The following MAP3K5 variants were observed in gnomAD, a reference collection of about 807,000 sequenced individuals.
MAP3K5 encodes the protein ASK-1.
Under a neutral mutation model 158.7 loss-of-function variants are expected in MAP3K5, and 56 were observed. The observed-to-expected ratio is 0.35, with a 90% confidence interval of 0.28 to 0.44. MAP3K5 has a LOEUF of 0.44. Ranked by LOEUF, MAP3K5 falls within the 20% of genes least tolerant of loss-of-function variation. MAP3K5 has a pLI of 1.00. For synonymous variants in MAP3K5, 579 were observed against 601.7 expected (o/e 0.96, Z 0.55); for missense variants, 1,294 against 1,674.8 (o/e 0.77, Z 3.97).
Position 136,642,545 on chromosome 6 carries a change from T to A in MAP3K5, c.1813A>T (p.Ser605Cys), listed in dbSNP as rs563427075. ...CTCACTCCCCTGACAGAAGAGGCAC[T>A]AAAATTCCACTCATGTATACCTTTC... Reference protein sequence around the residue: ...DKKGIHEWNFSASSVRGVSIS... With the variant: ...DKKGIHEWNFCASSVRGVSIS... Residue 605 changes from serine to cysteine, a missense_variant, in exon 12 of 30, where the codon AGT becomes TGT. Ser to Cys is a moderately radical substitution (Grantham distance 112). Transcript: ENST00000359015. The A allele has an allele frequency of 6.8e-6, 11 of 1,610,454 alleles. No homozygotes were observed. In the South Asian group the frequency reaches 1.2e-4, roughly 18 times the overall value.
intron 9 of MAP3K5, 126 bp from the exon 10 acceptor site, chr6:136,656,586 G>A (rs112886350): frequency 1.5e-4 from 90 of 582,622 alleles, no homozygotes; most frequent in African/African-American, 1.5e-3. Flanking sequence ...CAGATTCACC[G>A]TTATTCGTTA....
At chr6:136,722,585 T>C (rs1363346454) in intron 1 of MAP3K5, among the ~76,000 whole-genome samples, 2 of 151,544 alleles carry the variant, frequency 1.3e-5, no homozygotes, top group Non-Finnish European at 2.9e-5. Context: ...GCCTAAGAAG[T>C]GGGCAAAGTA....
intron 1 of MAP3K5, among the ~76,000 whole-genome samples, chr6:136,788,701 T>C (rs1784944817): frequency 6.6e-6 from 1 of 152,206 alleles, no homozygotes; most frequent in Non-Finnish European, 1.5e-5. Context: ...CACAATGAGA[T>C]AACATCTCAC....
At chr6:136,764,370 C>A (rs1783877134) in intron 1 of MAP3K5, among the ~76,000 whole-genome samples, 1 of 152,198 alleles carries the variant, frequency 6.6e-6, no homozygotes, top group South Asian at 2.1e-4. Flanking sequence ...TTGGAACATT[C>A]ACTCATAGAA....
At chr6:136,716,649 T>G (rs1257003426) in intron 2 of MAP3K5, among the ~76,000 whole-genome samples, 5 of 152,192 alleles carry the variant, frequency 3.3e-5, no homozygotes, top group African/African-American at 7.2e-5. Flanking sequence ...CCAGACTTAC[T>G]CACCACTTAC....
intron 7 of MAP3K5, among the ~76,000 whole-genome samples, chr6:136,670,583 T>C (rs182317904): frequency 1.2e-3 from 186 of 152,210 alleles, no homozygotes; most frequent in Non-Finnish European, 1.9e-3. Flanking sequence ...ATAGTAAACA[T>C]AGTGATAGGC....
At chr6:136,731,899 G>C (rs146912419) in intron 1 of MAP3K5, among the ~76,000 whole-genome samples, 4 of 152,198 alleles carry the variant, frequency 2.6e-5, no homozygotes, top group Non-Finnish European at 5.9e-5. Context: ...TAATGGGACA[G>C]AAAGATCTAA....
chr6:136,757,586 A>ATTTTTTTTTTTTTTTTTTT (rs897486770), intron 1 of MAP3K5, among the ~76,000 whole-genome samples: 1 of 127,818 alleles, frequency 7.8e-6, no homozygotes, highest in Non-Finnish European at 1.6e-5. Flanking sequence ...TTTATTTTTT[A>ATTTTTTTTTTTTTTTTTTT]TTTTTTTTTT....
chr6:136,784,136 C>A (rs1049996376), intron 1 of MAP3K5, among the ~76,000 whole-genome samples: 3 of 152,120 alleles, frequency 2.0e-5, no homozygotes, highest in Non-Finnish European at 4.4e-5. Flanking sequence ...CAGGCTTCAC[C>A]CAGAGATGGA....
At chr6:136,573,699 T>C (rs892532184) in intron 25 of MAP3K5, among the ~76,000 whole-genome samples, 10 of 152,154 alleles carry the variant, frequency 6.6e-5, no homozygotes, top group Non-Finnish European at 1.2e-4. Flanking sequence ...GCTCAAACGA[T>C]GGCCCAGGAC....
rs73556288 is a variant in MAP3K5 at position 136,646,624 on chromosome 6, T to C, written c.1789-4055A>G. Among the ~76,000 whole-genome samples the C allele has an allele frequency of 4.6e-3, 700 of 152,322 alleles. 7 individuals carry two copies. Among genetic ancestry groups the C allele is most frequent in the African/African-American group, 0.016 (654 of 41,584 alleles). ...AGTGTCCTTGGATAACCTTGCTCTT[T>C]TCAATCAAGCCTTTGAAAATCTCCT... On this transcript the variant is annotated intron_variant, in intron 11 of 29. Coordinates refer to ENST00000359015, the MANE Select transcript of MAP3K5 (RefSeq NM_005923.4).
At chr6:136,660,714 T>C (rs796568660) in intron 8 of MAP3K5, among the ~76,000 whole-genome samples, 30 of 152,206 alleles carry the variant, frequency 2.0e-4, no homozygotes, top group African/African-American at 7.2e-4. Context: ...GATTTAGAAA[T>C]AAGGCAAAAA....
chr6:136,562,559 G>T lies in MAP3K5; in HGVS notation c.3818C>A (p.Ala1273Asp). ...AATTTCTTGGTCTTTTTCTTCAATA[G>T]CTCGATGAAGGAGTGCTTGTAATTC... ...EKELQALLHR[A>D]IEEKDQEIKH... Residue 1273 changes from alanine to aspartate, a missense_variant, in exon 27 of 30, where the codon GCT (alanine) becomes GAT (aspartate). Ala to Asp is a moderately radical substitution (Grantham distance 126, BLOSUM62 -2). Transcript: ENST00000359015. The T allele has an allele frequency of 6.2e-7, 1 of 1,604,088 alleles. No individual in the cohort carries two copies. The highest frequency in any genetic ancestry group is 8.5e-7 in the Non-Finnish European group (1 of 1,175,390).
Position 136,684,884 on chromosome 6 carries a change from A to C in MAP3K5, c.1253+9256T>G, listed in dbSNP as rs147516534. On this transcript the variant is annotated intron_variant, in intron 7 of 29. Coordinates refer to ENST00000359015, the MANE Select transcript of MAP3K5 (RefSeq NM_005923.4). ...AAATAACTAAGGAAATGACAATGCA[A>C]AACATCAAATGTTAGAGAACTATGT... Among the ~76,000 whole-genome samples, 962 of 152,348 alleles carry C rather than the reference A, an allele frequency of 6.3e-3. 2 individuals are homozygous for C. The highest frequency in any genetic ancestry group is 0.01 in the Non-Finnish European group (683 of 68,030).
At chr6:136,591,068 A>G (rs1317275551) in intron 23 of MAP3K5, among the ~76,000 whole-genome samples, 1 of 152,118 alleles carries the variant, frequency 6.6e-6, no homozygotes, top group Non-Finnish European at 1.5e-5. Context: ...ACAAATGGGA[A>G]TTCCCCTGCA....
intron 10 of MAP3K5, among the ~76,000 whole-genome samples, chr6:136,654,874 T>G (rs73556301): frequency 2.9e-4 from 44 of 151,304 alleles, no homozygotes; most frequent in African/African-American, 1.0e-3. Flanking sequence ...GTTCATGGTG[T>G]TTTTTTTTAA....
intron 8 of MAP3K5, among the ~76,000 whole-genome samples, chr6:136,665,495 T>C (rs886378779): frequency 3.3e-5 from 5 of 151,926 alleles, no homozygotes; most frequent in Admixed American, 6.6e-5. Context: ...TACAGAAGCA[T>C]GCCACCACAC....
rs570178107 is a variant in MAP3K5 at position 136,685,266 on chromosome 6, C to T, written c.1253+8874G>A. ...CCAGGAGTTCAAGGCTGCAGTGAGC[C>T]AAGATTGTACCCCTGCACTTGAGCC... is the stretch of plus-strand genomic sequence containing the variant. On this transcript the variant is annotated intron_variant, in intron 7 of 29. Transcript: ENST00000359015. 6.6e-5 allele frequency among the ~76,000 whole-genome samples: 10 copies of T among 152,156 alleles called. No homozygotes were observed. In the East Asian group the frequency reaches 1.9e-3, roughly 29 times the overall value.
At chr6:136,749,527 AC>A (rs1445687912) in intron 1 of MAP3K5, among the ~76,000 whole-genome samples, 1 of 151,796 alleles carries the variant, frequency 6.6e-6, no homozygotes, top group African/African-American at 2.4e-5. Context: ...CGGCCAGATA[AC>A]CTCCTTCAAA....
Sources: allele counts gnomAD v4.1 joint callset (sites outside exome capture counted in the v4.1 genomes callset), GRCh38; gene constraint gnomAD v4.1.1; transcripts MANE v1.5; gene names NCBI Gene and HGNC (gene_info 2026-07-23, HGNC 2026-07-21).